Variants in ATG5 observed in about 807,000 individuals in gnomAD.
The protein encoded by ATG5 is autophagy protein 5.
ATG5 carries 14 observed loss-of-function variants against 36.5 expected under a neutral mutation model. The observed-to-expected ratio is 0.38, with a 90% CI of 0.25 to 0.60. The LOEUF (loss-of-function observed/expected upper bound fraction) is 0.60. Among genes scored for constraint, ATG5 ranks in the 20% least tolerant of loss-of-function variants. The pLI is 0.60. For synonymous variants in ATG5, 95 were observed against 101.5 expected, an observed-to-expected ratio of 0.94 and a Z score of 0.38; for missense variants, 195 against 326.7, an observed-to-expected ratio of 0.60 and a Z score of 3.11.
intron 6 of ATG5, among the ~76,000 whole-genome samples, chr6:106,237,260 T>C (rs1043849455): frequency 2.0e-5 from 3 of 152,242 alleles, no homozygotes; most frequent in African/African-American, 7.2e-5. Flanking sequence ...AGTTGGGCTG[T>C]ATTTCTTTAA....
At chr6:106,311,398 A>T (rs1238888069) in intron 2 of ATG5, among the ~76,000 whole-genome samples, 1 of 152,254 alleles carries the variant, frequency 6.6e-6, no homozygotes, top group African/African-American at 2.4e-5. Context: ...CACGAAGTGT[A>T]TCTTAAGGCA....
At chr6:106,265,139 T>C (rs1487464903) in intron 5 of ATG5, among the ~76,000 whole-genome samples, 1 of 134,206 alleles carries the variant, frequency 7.5e-6, no homozygotes, top group Non-Finnish European at 1.6e-5. Context: ...ATAAAGAGAT[T>C]GAGGAATATT....
At chr6:106,192,043 C>G (rs1329487776) in intron 7 of ATG5, among the ~76,000 whole-genome samples, 1 of 151,900 alleles carries the variant, frequency 6.6e-6, no homozygotes, top group Non-Finnish European at 1.5e-5. Context: ...AACAAAAACC[C>G]AGACTCGATG....
chr6:106,251,039 C>A lies in ATG5; in HGVS notation c.479-2795G>T, dbSNP rs1171266210. On this transcript the variant is annotated intron_variant, in intron 5 of 7. Coordinates refer to ENST00000369076, the MANE Select transcript of ATG5 (RefSeq NM_004849.4). ...AGGAGCCTGGCCCAGGGTTAACCAG[C>A]CCTCAAGACAGAATCTAGCACTCCA... Among the ~76,000 whole-genome samples the A allele has an allele frequency of 2.0e-5, 3 of 152,242 alleles. No homozygotes were observed. The East Asian group carries it at 5.8e-4, about 29-fold the overall frequency.
intron 6 of ATG5, among the ~76,000 whole-genome samples, chr6:106,226,428 C>A (rs1582574982): frequency 6.6e-6 from 1 of 152,082 alleles, no homozygotes; most frequent in South Asian, 2.1e-4. Context: ...CAAGTATAAG[C>A]CACAAACTGG....
intron 7 of ATG5, among the ~76,000 whole-genome samples, chr6:106,196,818 T>C (rs1047879756): frequency 9.0e-5 from 10 of 110,558 alleles, no homozygotes; most frequent in Admixed American, 9.0e-4. Context: ...CTTCCCACTC[T>C]AGGCACTCCT....
intron 1 of ATG5, among the ~76,000 whole-genome samples, chr6:106,322,074 ATTTC>A (rs965900073): frequency 2.0e-5 from 3 of 152,160 alleles, no homozygotes; most frequent in African/African-American, 7.2e-5. Context: ...TCACCATCCA[ATTTC>A]AAGGAACTGT....
chr6:106,230,417 G>A (rs1053908066), intron 6 of ATG5, among the ~76,000 whole-genome samples: 1 of 152,154 alleles, frequency 6.6e-6, no homozygotes, highest in East Asian at 1.9e-4. Context: ...GGCAATGTTG[G>A]GCACGCTGGT....
chr6:106,191,178 A>C (rs1371337173), intron 7 of ATG5, among the ~76,000 whole-genome samples: 1 of 152,202 alleles, frequency 6.6e-6, no homozygotes, highest in African/African-American at 2.4e-5. Context: ...TTTCTGAATC[A>C]ATTTCTGGGG....
At chr6:106,226,933 G>A (rs1777473789) in intron 6 of ATG5, among the ~76,000 whole-genome samples, 1 of 151,924 alleles carries the variant, frequency 6.6e-6, no homozygotes, top group African/African-American at 2.4e-5. Context: ...AAGAAGGAAG[G>A]AAGGAAGGAA....
At chr6:106,303,087 A>C (rs1335363742) in intron 3 of ATG5, among the ~76,000 whole-genome samples, 1 of 152,034 alleles carries the variant, frequency 6.6e-6, no homozygotes, top group Non-Finnish European at 1.5e-5. Flanking sequence ...CCAAAGGAGC[A>C]GAAGGAATAA....
At chr6:106,242,044 A>G (rs1219269505) in intron 6 of ATG5, among the ~76,000 whole-genome samples, 1 of 152,038 alleles carries the variant, frequency 6.6e-6, no homozygotes, top group Non-Finnish European at 1.5e-5. Context: ...CAGCAGATGA[A>G]TGGAGAAGCA....
At chr6:106,291,543 A>AT (rs1780308085) in intron 4 of ATG5, among the ~76,000 whole-genome samples, 1 of 152,200 alleles carries the variant, frequency 6.6e-6, no homozygotes, top group Non-Finnish European at 1.5e-5. Context: ...AAGGATCTCC[A>AT]TATTTGTTGA....
At chr6:106,254,012 A>C (rs981114312) in intron 5 of ATG5, among the ~76,000 whole-genome samples, 1 of 152,146 alleles carries the variant, frequency 6.6e-6, no homozygotes, top group Non-Finnish European at 1.5e-5. Flanking sequence ...CTGAGATCTC[A>C]CTGTCTACCT....
chr6:106,216,684 T>C (rs925466395), intron 6 of ATG5, among the ~76,000 whole-genome samples: 17 of 152,304 alleles, frequency 1.1e-4, no homozygotes, highest in Non-Finnish European at 2.1e-4. Flanking sequence ...CTGTGTAACT[T>C]AGAATTCAGT....
At chr6:106,243,166 T>C (rs1282273923) in intron 6 of ATG5, among the ~76,000 whole-genome samples, 1 of 152,182 alleles carries the variant, frequency 6.6e-6, no homozygotes, top group African/African-American at 2.4e-5. Flanking sequence ...ATAGATTTGC[T>C]TAACCAAAAT....
intron 6 of ATG5, among the ~76,000 whole-genome samples, chr6:106,247,936 A>G (rs1778411546): frequency 6.6e-6 from 1 of 152,238 alleles, no homozygotes; most frequent in East Asian, 1.9e-4. Flanking sequence ...TGAATCTGCC[A>G]ATATGAAATC....
At chr6:106,195,884 G>A (rs890953226) in intron 7 of ATG5, among the ~76,000 whole-genome samples, 1 of 150,014 alleles carries the variant, frequency 6.7e-6, no homozygotes, top group Non-Finnish European at 1.5e-5. Flanking sequence ...TACACGTAGA[G>A]CAGCCTAGAA....
In ATG5 at chr6:106,192,682, T is replaced by C. The variant is rs1403901871; in HGVS notation, c.692-6006A>G. On this transcript the variant is annotated intron_variant, in intron 7 of 7. Transcript: ENST00000369076. ...GTTCAGCTTTGTAGCTTCATATTTA[T>C]ATTTTATAATTCAGCAGAAAATGAC... Among the ~76,000 whole-genome samples the C allele has an allele frequency of 6.6e-5, 10 of 152,362 alleles. No homozygotes were observed. The South Asian group carries it at 8.3e-4, about 13-fold the overall frequency.
Sources: gnomAD v4.1 joint callset for allele counts (sites outside exome capture counted in the v4.1 genomes callset) on GRCh38, gnomAD v4.1.1 for gene constraint, MANE v1.5 for transcripts, NCBI Gene and HGNC (gene_info 2026-07-23, HGNC 2026-07-21) for gene names.